The following CASK variants were observed in gnomAD, a reference collection of about 807,000 sequenced individuals.
CASK encodes the protein peripheral plasma membrane protein CASK.
CASK carries 4 observed loss-of-function variants against 82.9 expected under a neutral mutation model. The ratio of observed to expected loss-of-function variants is 0.05; its 90% confidence interval spans 0.02 to 0.11. CASK has a LOEUF of 0.11. CASK is among the 10% of genes least tolerant of loss of function. The pLI, the probability that CASK is intolerant of heterozygous loss-of-function variation, is 1.00. For missense variants in CASK, 358 were observed against 720.9 expected, an observed-to-expected ratio of 0.50 and a Z score of 5.76; for synonymous variants, 259 against 253.5, an observed-to-expected ratio of 1.02 and a Z score of -0.20.
In CASK at chrX:41,687,368, T is replaced by A. The variant is rs533059728; in HGVS notation, c.430-15838A>T. Among the ~76,000 whole-genome samples the A allele has an allele frequency of 6.3e-5, 7 of 111,721 alleles. No individual in the cohort carries two copies. The South Asian group carries it at 2.6e-3, about 42-fold the overall frequency. The stretch of plus-strand genomic sequence containing the variant: ...GCATATACAGTGGAATATAATGCAG[T>A]TTGATAAAAGAAGGAAATCCTGTAA... On this transcript the variant is annotated intron_variant, in intron 5 of 26. Transcript: ENST00000378163.
chrX:41,761,258 G>T (rs1038178376), intron 3 of CASK, among the ~76,000 whole-genome samples: 13 of 109,108 alleles, frequency 1.2e-4, no homozygotes, highest in East Asian at 8.5e-4. Context: ...GGATTTTGGG[G>T]TTTTTTTTTG....
intron 3 of CASK, among the ~76,000 whole-genome samples, chrX:41,770,577 C>T (rs747385338): frequency 6.7e-4 from 74 of 110,000 alleles, no homozygotes; most frequent in African/African-American, 2.1e-3. Context: ...TTAGTAGAGA[C>T]GAGATTTCAC....
chrX:41,838,083 G>A (rs2070961199), intron 2 of CASK, among the ~76,000 whole-genome samples: 1 of 111,333 alleles, frequency 9.0e-6, no homozygotes, highest in African/African-American at 3.3e-5. Flanking sequence ...GAACTCCTGG[G>A]CTCAAGCAAT....
chrX:41,626,518 C>T (rs1210570309), intron 10 of CASK, 86 bp downstream of exon 10: 4 of 607,908 alleles, frequency 6.6e-6, no homozygotes, highest in Non-Finnish European at 1.1e-5. Flanking sequence ...TAACTAAATG[C>T]ACAGGAAAAG....
chrX:41,812,636 A>C (rs1224631447), intron 2 of CASK, among the ~76,000 whole-genome samples: 4 of 111,798 alleles, frequency 3.6e-5, no homozygotes, highest in Non-Finnish European at 7.5e-5. Flanking sequence ...CCAATATCAT[A>C]CTGAATGGGC....
In CASK at chrX:41,531,222, A is replaced by G; in HGVS notation, c.2318-13T>C. On this transcript the variant is annotated splice_polypyrimidine_tract_variant and intron_variant, in intron 24 of 26. Coordinates refer to ENST00000378163, the MANE Select transcript of CASK (RefSeq NM_001367721.1). ...GGTCTGGTTGTATCTGCAAAGTCGC[A>G]TGGCACAAGAGGTTTAAAAGGCTGA... 8.5e-7 allele frequency: 1 copy of G among 1,179,783 alleles called. No individual in the cohort carries two copies. The highest frequency in any genetic ancestry group is 1.2e-6 in the Non-Finnish European group (1 of 866,089).
At chrX:41,787,389 A>G in intron 2 of CASK, 106 bp from the exon 3 acceptor site, 1 of 544,335 alleles carries the variant, frequency 1.8e-6, no homozygotes, top group Non-Finnish European at 3.3e-6. Flanking sequence ...TACTTCTCTA[A>G]CTAGAGAGAT....
intron 1 of CASK, among the ~76,000 whole-genome samples, chrX:41,901,212 G>A (rs779649842): frequency 3.6e-5 from 4 of 112,038 alleles, no homozygotes; most frequent in African/African-American, 6.5e-5. Context: ...GCTGGGCATG[G>A]TGGTTCACGC....
intron 22 of CASK, among the ~76,000 whole-genome samples, chrX:41,538,020 A>G (rs1464153126): frequency 9.2e-6 from 1 of 109,089 alleles, no homozygotes; most frequent in East Asian, 2.9e-4. Flanking sequence ...TAATTTTTGT[A>G]TTTTTAGTAG....
At chrX:41,719,695 T>A (rs745606171) in intron 5 of CASK, among the ~76,000 whole-genome samples, 1 of 111,991 alleles carries the variant, frequency 8.9e-6, no homozygotes, top group African/African-American at 3.2e-5. Context: ...CCGGTTTCCA[T>A]TGGCTGGAAC....
At chrX:41,860,027 T>C (rs1168669231) in intron 1 of CASK, among the ~76,000 whole-genome samples, 4 of 111,320 alleles carry the variant, frequency 3.6e-5, no homozygotes, top group Non-Finnish European at 7.5e-5. Flanking sequence ...ACTTATAATA[T>C]GTAATGTTAT....
intron 10 of CASK, among the ~76,000 whole-genome samples, chrX:41,625,692 G>C (rs1335430333): frequency 1.8e-5 from 2 of 111,406 alleles, no homozygotes; most frequent in African/African-American, 6.5e-5. Flanking sequence ...CTGGCAGGTT[G>C]TTTCAGGGGT....
At chrX:41,584,324 T>C (rs755085115) in intron 14 of CASK, 4 of 112,098 alleles carry the variant, frequency 3.6e-5, no homozygotes, top group Non-Finnish European at 5.6e-5. Flanking sequence ...AGAGTCAGAG[T>C]TCATAAAGTT....
At chrX:41,737,055 G>A (rs182335624) in intron 5 of CASK, among the ~76,000 whole-genome samples, 3 of 112,239 alleles carry the variant, frequency 2.7e-5, no homozygotes, top group East Asian at 2.8e-4. Flanking sequence ...TGTGAAGTAT[G>A]TTTCAACTAA....
intron 2 of CASK, among the ~76,000 whole-genome samples, chrX:41,809,167 G>A (rs1249908585): frequency 1.8e-5 from 2 of 112,252 alleles, no homozygotes; most frequent in African/African-American, 3.2e-5. Context: ...CTGGGGGCAG[G>A]GTATAGACAA....
chrX:41,578,612 A>C, intron 14 of CASK, 84 bp from the exon 15 acceptor site: 6 of 724,396 alleles, frequency 8.3e-6, no homozygotes, highest in South Asian at 2.5e-5. Flanking sequence ...ATTTTGAGAC[A>C]GGGTCTCACT....
chrX:41,640,273 G>A (rs2066626652), intron 8 of CASK, among the ~76,000 whole-genome samples: 1 of 109,793 alleles, frequency 9.1e-6, no homozygotes, highest in African/African-American at 3.3e-5. Context: ...GCATGATCTC[G>A]GCTCACTGCA....
chrX:41,858,459 G>C (rs889781245), intron 1 of CASK, among the ~76,000 whole-genome samples: 1 of 112,082 alleles, frequency 8.9e-6, no homozygotes, highest in East Asian at 2.8e-4. Context: ...TGGGAGGCAG[G>C]CATCAGGGAG....
chrX:41,755,342 G>A (rs910176370), intron 3 of CASK, among the ~76,000 whole-genome samples: 4 of 112,072 alleles, frequency 3.6e-5, no homozygotes, highest in South Asian at 3.7e-4. Flanking sequence ...ATAGATGCAA[G>A]TAACCTAAAC....
Sources: gnomAD v4.1 joint callset for allele counts (sites outside exome capture counted in the v4.1 genomes callset) on GRCh38, gnomAD v4.1.1 for gene constraint, MANE v1.5 for transcripts, NCBI Gene and HGNC (gene_info 2026-07-23, HGNC 2026-07-21) for gene names.